MPRIP: variants seen among roughly 807,000 people sequenced by gnomAD.
The protein encoded by MPRIP is myosin phosphatase Rho interacting protein, also known as myosin phosphatase Rho-interacting protein.
MPRIP carries 59 observed loss-of-function variants against 234.9 expected under a neutral mutation model. The observed-to-expected ratio is 0.25, with a 90% confidence interval of 0.20 to 0.31. The LOEUF (loss-of-function observed/expected upper bound fraction) is 0.31, where lower values mean the gene tolerates loss of function less well. MPRIP is among the 10% of genes least tolerant of loss of function. The pLI is 1.00. For synonymous variants in MPRIP, 1,144 were observed against 1,263.9 expected (o/e 0.91, Z 2.01); for missense variants, 2,436 against 3,071.0 (o/e 0.79, Z 4.89).
chr17:17,126,623 T>G (rs960764235), intron 3 of MPRIP, 79 bp from the exon 4 acceptor site: 1 of 1,483,540 alleles, frequency 6.7e-7, no homozygotes. Flanking sequence ...GCTGGGAGGG[T>G]CAGGAATGGC....
intron 9 of MPRIP, among the ~76,000 whole-genome samples, chr17:17,145,591 G>A (rs137862111): frequency 1.3e-5 from 2 of 152,240 alleles, no homozygotes; most frequent in African/African-American, 2.4e-5. Flanking sequence ...CCTCAACACC[G>A]CACGTCTCTG....
chr17:17,103,915 T>TAGGATGGGAGA (rs1453851186), intron 3 of MPRIP, among the ~76,000 whole-genome samples: 5 of 152,166 alleles, frequency 3.3e-5, no homozygotes, highest in Non-Finnish European at 5.9e-5. Context: ...GTGAGATATC[T>TAGGATGGGAGA]CCTAGGATGG....
At position 17,178,918 on chromosome 17, in the gene MPRIP, C is replaced by CA. The variant is rs1177356521; in HGVS notation, c.7121-1075dup. 9.0e-3 allele frequency among the ~76,000 whole-genome samples: 1,243 copies of CA among 137,830 alleles called. 45 individuals are homozygous for CA. In the East Asian group the frequency reaches 0.12, roughly 13 times the overall value. The allele number at this position is 137,830 out of a possible 152,430, so 90.4% of individuals were successfully genotyped here. A position where few individuals can be genotyped will look rare whatever the true frequency, so the allele number is the denominator to read the frequency against. On this transcript the variant is annotated intron_variant, in intron 22 of 23. Coordinates refer to ENST00000651222, the MANE Select transcript of MPRIP (RefSeq NM_001364716.4). Reference sequence around the variant, plus strand: ...TGGGTGACAGAATGAGACCCTGCCTCAAAAAAAAAAGAAAAAAAAAACCTG... The same window carrying CA: ...TGGGTGACAGAATGAGACCCTGCCTCAAAAAAAAAAAGAAAAAAAAAACCTG...
intron 12 of MPRIP, among the ~76,000 whole-genome samples, chr17:17,150,986 C>CATGT: frequency 6.6e-6 from 1 of 150,908 alleles, no homozygotes; most frequent in African/African-American, 2.4e-5. Flanking sequence ...ACTGGGACTA[C>CATGT]AGGTGCATGC....
At chr17:17,066,195 C>T (rs2089020021) in intron 1 of MPRIP, among the ~76,000 whole-genome samples, 1 of 152,178 alleles carries the variant, frequency 6.6e-6, no homozygotes, top group Non-Finnish European at 1.5e-5. Context: ...CTGAGATGGC[C>T]ATCATTGCCT....
intron 3 of MPRIP, among the ~76,000 whole-genome samples, chr17:17,113,130 C>T (rs542033854): frequency 4.8e-4 from 73 of 152,290 alleles, no homozygotes; most frequent in Admixed American, 1.3e-3. Flanking sequence ...CGGCTCCTGG[C>T]CCTGCCCTGC....
chr17:17,095,307 G>A (rs78494978), intron 3 of MPRIP, among the ~76,000 whole-genome samples: 1 of 152,196 alleles, frequency 6.6e-6, no homozygotes, highest in Admixed American at 6.5e-5. Flanking sequence ...AGGAGGCTGT[G>A]TGTGTATATG....
intron 1 of MPRIP, among the ~76,000 whole-genome samples, chr17:17,067,826 AG>A (rs2089085739): frequency 1.7e-5 from 2 of 119,120 alleles, no homozygotes; most frequent in South Asian, 5.2e-4. Context: ...ACAATTATAT[AG>A]AATTAGTGTC....
intron 3 of MPRIP, among the ~76,000 whole-genome samples, chr17:17,102,448 G>A (rs2089981708): frequency 6.6e-6 from 1 of 152,216 alleles, no homozygotes; most frequent in African/African-American, 2.4e-5. Flanking sequence ...GAGCTGTCAG[G>A]CTTTCTTCTC....
At chr17:17,114,809 G>T (rs1352905720) in intron 3 of MPRIP, among the ~76,000 whole-genome samples, 2 of 152,096 alleles carry the variant, frequency 1.3e-5, no homozygotes, top group African/African-American at 4.8e-5. Flanking sequence ...ATTTGGCGGG[G>T]GCCCTGGTAT....
intron 15 of MPRIP, among the ~76,000 whole-genome samples, chr17:17,162,579 C>T (rs1724807770): frequency 6.6e-6 from 1 of 152,228 alleles, no homozygotes; most frequent in South Asian, 2.1e-4. Flanking sequence ...CAGGGCCTCC[C>T]TGTGGGCCTC....
At chr17:17,122,365 TG>T (rs1442972527) in intron 3 of MPRIP, among the ~76,000 whole-genome samples, 2 of 152,228 alleles carry the variant, frequency 1.3e-5, no homozygotes, top group African/African-American at 2.4e-5. Flanking sequence ...TGTTTTGTTT[TG>T]TTTTTGAGAT....
intron 8 of MPRIP, among the ~76,000 whole-genome samples, chr17:17,143,106 C>G (rs1381946446): frequency 6.6e-6 from 1 of 152,236 alleles, no homozygotes; most frequent in African/African-American, 2.4e-5. Context: ...TTTCTCCACT[C>G]AGCCCAAGGT....
chr17:17,089,357 CCT>C (rs2089662871), intron 3 of MPRIP, among the ~76,000 whole-genome samples: 1 of 152,214 alleles, frequency 6.6e-6, no homozygotes. Context: ...TGGCTCGTGG[CCT>C]CTTCCTGTCA....
intron 1 of MPRIP, among the ~76,000 whole-genome samples, chr17:17,072,977 A>G (rs2089235056): frequency 6.6e-6 from 1 of 152,040 alleles, no homozygotes; most frequent in Non-Finnish European, 1.5e-5. Flanking sequence ...CATTTAAATG[A>G]TACAATTCTA....
chr17:17,179,003 C>T (rs1466401857), intron 22 of MPRIP, among the ~76,000 whole-genome samples: 1 of 152,088 alleles, frequency 6.6e-6, no homozygotes, highest in East Asian at 1.9e-4. Context: ...CTGGGCAACA[C>T]AGCAAGAATC....
chr17:17,143,790 T>C, intron 9 of MPRIP, 121 bp downstream of exon 9: 1 of 520,236 alleles, frequency 1.9e-6, no homozygotes. Context: ...GGCCCTCGTG[T>C]CCGTGAGCAC....
At chr17:17,081,179 A>G (rs2089453913) in intron 3 of MPRIP, among the ~76,000 whole-genome samples, 2 of 152,136 alleles carry the variant, frequency 1.3e-5, no homozygotes, top group African/African-American at 4.8e-5. Flanking sequence ...ATTGTTACTG[A>G]CTTATATGAT....
At chr17:17,142,796 G>A in intron 8 of MPRIP, 31 bp downstream of exon 8, 3 of 1,606,156 alleles carry the variant, frequency 1.9e-6, no homozygotes, top group South Asian at 2.2e-5. Context: ...AGCACCTCAG[G>A]GGTGGCTCGG....
Sources: gnomAD v4.1 joint callset for allele counts (sites outside exome capture counted in the v4.1 genomes callset) on GRCh38, gnomAD v4.1.1 for gene constraint, MANE v1.5 for transcripts, NCBI Gene and HGNC (gene_info 2026-07-23, HGNC 2026-07-21) for gene names.